The following MYO1E variants were observed in gnomAD, a reference collection of about 807,000 sequenced individuals.
MYO1E encodes the protein unconventional myosin-Ie.
In MYO1E, 68 loss-of-function variants were observed where a neutral mutation model predicts 151.1. The observed-to-expected ratio is 0.45, with a 90% confidence interval of 0.37 to 0.55. MYO1E has a LOEUF of 0.55. Among genes scored for constraint, MYO1E ranks in the 20% least tolerant of loss-of-function variants. The pLI, the probability that MYO1E is intolerant of heterozygous loss-of-function variation, is 0.00. For synonymous variants in MYO1E, 601 were observed against 501.7 expected, an observed-to-expected ratio of 1.20 and a Z score of -2.64; for missense variants, 1,363 against 1,389.3, an observed-to-expected ratio of 0.98 and a Z score of 0.30.
At chr15:59,236,731 T>C in intron 4 of MYO1E, 59 bp from the exon 5 acceptor site, 1 of 1,373,966 alleles carries the variant, frequency 7.3e-7, no homozygotes. Context: ...GCTCCCTTCC[T>C]TGTCTCCCCC....
At chr15:59,207,073 A>AC in intron 14 of MYO1E, 1 of 1,613,998 alleles carries the variant, frequency 6.2e-7, no homozygotes, top group Non-Finnish European at 8.5e-7. Flanking sequence ...CTGGCTCTTC[A>AC]CCCCCGTGAG....
chr15:59,372,155 A>G (rs1242500563), intron 1 of MYO1E, among the ~76,000 whole-genome samples: 3 of 149,950 alleles, frequency 2.0e-5, no homozygotes, highest in Admixed American at 2.0e-4. Context: ...TGCGCCCCCC[A>G]CGTCCCAGCA....
At chr15:59,206,856 T>C (rs1166279359) in intron 14 of MYO1E, 1 of 1,399,544 alleles carries the variant, frequency 7.1e-7, no homozygotes, top group Non-Finnish European at 9.7e-7. Context: ...GTGCTGAAGG[T>C]CCTGCCAACG....
In MYO1E at chr15:59,350,900, T is replaced by G. The variant is rs1168423453; in HGVS notation, c.3+21598A>C. Among the ~76,000 whole-genome samples, 2 of 152,196 alleles carry G rather than the reference T, an allele frequency of 1.3e-5. No individual in the cohort carries two copies. Among genetic ancestry groups the G allele is most frequent in the South Asian group, 2.1e-4 (1 of 4,832 alleles). On this transcript the variant is annotated intron_variant, in intron 1 of 27. Transcript: ENST00000288235. The surrounding 1 kb of genome is among the most constrained non-coding windows in gnomAD (Gnocchi z 5.0). ...GTTTGTTTGGTTGGTTGGTTTTTTG[T>G]TTTTTGTCTTTTTTGAGACGGAGTC...
intron 22 of MYO1E, among the ~76,000 whole-genome samples, chr15:59,167,258 T>C (rs748002674): frequency 2.6e-5 from 4 of 152,096 alleles, no homozygotes; most frequent in Non-Finnish European, 5.9e-5. Context: ...TGGAGATAAG[T>C]ACTGGAAAAT....
At chr15:59,243,435 C>G (rs1346890437) in intron 4 of MYO1E, among the ~76,000 whole-genome samples, 1 of 152,028 alleles carries the variant, frequency 6.6e-6, no homozygotes, top group Non-Finnish European at 1.5e-5. Flanking sequence ...CATAAGAGTC[C>G]TGTGTGGTAG....
chr15:59,323,634 T>C (rs747230802), intron 1 of MYO1E, among the ~76,000 whole-genome samples: 5 of 150,762 alleles, frequency 3.3e-5, no homozygotes, highest in Non-Finnish European at 7.4e-5. Context: ...CCAGCCTGGG[T>C]GACAGAATGA....
chr15:59,319,559 T>TC (rs1389245606), intron 1 of MYO1E, among the ~76,000 whole-genome samples: 1 of 76,442 alleles, frequency 1.3e-5, no homozygotes, highest in Non-Finnish European at 2.2e-5. Flanking sequence ...CCTTTTTTTT[T>TC]TTTTTTTTTT....
chr15:59,210,046 T>C (rs1398498796), intron 13 of MYO1E, among the ~76,000 whole-genome samples: 1 of 151,840 alleles, frequency 6.6e-6, no homozygotes, highest in Non-Finnish European at 1.5e-5. Flanking sequence ...CTAAATTTTG[T>C]GTTTAGAAAT....
chr15:59,180,393 T>C (rs541481994), intron 18 of MYO1E, among the ~76,000 whole-genome samples: 4 of 152,270 alleles, frequency 2.6e-5, no homozygotes, highest in Middle Eastern at 3.4e-3. Context: ...GAAAAGACTA[T>C]AGACTTTCAA....
chr15:59,140,348 A>T (rs2079402075), intron 26 of MYO1E, among the ~76,000 whole-genome samples: 1 of 152,238 alleles, frequency 6.6e-6, no homozygotes, highest in African/African-American at 2.4e-5. Flanking sequence ...TTATACCTGA[A>T]ACATTTATTA....
At chr15:59,242,677 A>G (rs2080107167) in intron 4 of MYO1E, among the ~76,000 whole-genome samples, 1 of 152,156 alleles carries the variant, frequency 6.6e-6, no homozygotes, top group African/African-American at 2.4e-5. Flanking sequence ...GGATGTGGAG[A>G]AGGATGTTGT....
chr15:59,276,980 G>C (rs942513769), intron 1 of MYO1E, among the ~76,000 whole-genome samples: 2 of 152,186 alleles, frequency 1.3e-5, no homozygotes, highest in Non-Finnish European at 2.9e-5. Flanking sequence ...GTTCTTTGAT[G>C]CATCTGGGAG....
chr15:59,221,110 C>T (rs1226862591), intron 9 of MYO1E, among the ~76,000 whole-genome samples: 12 of 149,626 alleles, frequency 8.0e-5, no homozygotes, highest in Non-Finnish European at 1.8e-4. Flanking sequence ...AGGGTTCAAA[C>T]GATTCTCCTG....
At chr15:59,195,632 G>C (rs2079761937) in intron 16 of MYO1E, 65 bp from the exon 17 acceptor site, 3 of 1,392,128 alleles carry the variant, frequency 2.2e-6, no homozygotes, top group Admixed American at 3.4e-5. Flanking sequence ...TTTCAAAGGA[G>C]ACTTGTAAAA....
chr15:59,278,728 G>A (rs2080336059), intron 1 of MYO1E, among the ~76,000 whole-genome samples: 1 of 152,176 alleles, frequency 6.6e-6, no homozygotes, highest in South Asian at 2.1e-4. Context: ...AACAGTGCAT[G>A]GGGGACAGGG....
At chr15:59,154,191 C>T (rs2079497652) in intron 25 of MYO1E, among the ~76,000 whole-genome samples, 1 of 152,078 alleles carries the variant, frequency 6.6e-6, no homozygotes, top group Admixed American at 6.6e-5. Context: ...CTTCTTGGGC[C>T]TAAGAAAAAT....
chr15:59,233,154 A>G (rs182621351), intron 5 of MYO1E, among the ~76,000 whole-genome samples: 1 of 152,222 alleles, frequency 6.6e-6, no homozygotes, highest in Admixed American at 6.5e-5. Context: ...ACCACTTAAC[A>G]AAACTCAGCT....
chr15:59,242,557 A>T (rs1453375009), intron 4 of MYO1E, among the ~76,000 whole-genome samples: 1 of 152,224 alleles, frequency 6.6e-6, no homozygotes, highest in Non-Finnish European at 1.5e-5. Context: ...GTGGAATACC[A>T]ACTAATAAAT....
Sources: gnomAD v4.1 joint callset for allele counts (sites outside exome capture counted in the v4.1 genomes callset) on GRCh38, gnomAD v4.1.1 for gene constraint, Gnocchi (gnomAD v3.1) non-coding constraint, MANE v1.5 for transcripts, NCBI Gene and HGNC (gene_info 2026-07-23, HGNC 2026-07-21) for gene names.